Variants in SCHIP1 observed in about 807,000 individuals in gnomAD.
SCHIP1 encodes schwannomin interacting protein 1, also known as schwannomin-interacting protein 1.
A neutral mutation model predicts 29.7 loss-of-function variants in SCHIP1; 8 were observed. That is an observed-to-expected ratio of 0.27 (90% confidence interval 0.16 to 0.49). The LOEUF is 0.49. Among genes scored for constraint, SCHIP1 ranks in the 20% least tolerant of loss-of-function variants. The pLI is 0.99. For missense variants in SCHIP1, 193 were observed against 294.6 expected (o/e 0.66, Z 2.52); for synonymous variants, 76 against 94.9 (o/e 0.80, Z 1.16).
chr3:159,414,113 T>A, the SCHIP1 span, among the ~76,000 whole-genome samples: 1 of 152,194 alleles, frequency 6.6e-6, no homozygotes, highest in Non-Finnish European at 1.5e-5. Flanking sequence ...GAAAGTGAAA[T>A]TGTATTTTCC....
chr3:159,896,899 A>C, exon 7 of SCHIP1: 1 of 995,602 alleles, frequency 1.0e-6, no homozygotes, highest in Non-Finnish European at 1.4e-6. Flanking sequence ...TCTGAAGCTT[A>C]ATGTCCAGTG....
At chr3:159,717,165 G>T in the SCHIP1 span, among the ~76,000 whole-genome samples, 1 of 152,144 alleles carries the variant, frequency 6.6e-6, no homozygotes, top group Non-Finnish European at 1.5e-5. Flanking sequence ...CAGAAATAAA[G>T]ATGTTCTTTG....
chr3:159,312,026 C>T, the SCHIP1 span, among the ~76,000 whole-genome samples: 3 of 152,106 alleles, frequency 2.0e-5, no homozygotes, highest in Non-Finnish European at 4.4e-5. Flanking sequence ...GACAACACAA[C>T]ATAAAAGGGC....
At chr3:159,655,407 A>G in the SCHIP1 span, among the ~76,000 whole-genome samples, 2 of 152,060 alleles carry the variant, frequency 1.3e-5, no homozygotes, top group African/African-American at 4.8e-5. Context: ...GATGGTGATG[A>G]TGATGATGAT....
the SCHIP1 span, among the ~76,000 whole-genome samples, chr3:159,688,415 G>A: frequency 6.6e-6 from 1 of 152,136 alleles, no homozygotes; most frequent in Admixed American, 6.5e-5. Flanking sequence ...AGAAGTATCT[G>A]TTCATATCCT....
the SCHIP1 span, among the ~76,000 whole-genome samples, chr3:159,781,561 T>C: frequency 3.9e-5 from 6 of 152,360 alleles, no homozygotes; most frequent in Admixed American, 3.9e-4. Flanking sequence ...ATTTTCTTAA[T>C]ATATGCCATT....
the SCHIP1 span, among the ~76,000 whole-genome samples, chr3:159,469,283 G>C: frequency 6.6e-6 from 1 of 152,254 alleles, no homozygotes; most frequent in African/African-American, 2.4e-5. Flanking sequence ...GTGTTTTTAA[G>C]TAATGATGGA....
At chr3:159,456,903 A>G in the SCHIP1 span, among the ~76,000 whole-genome samples, 5 of 152,312 alleles carry the variant, frequency 3.3e-5, no homozygotes, top group Non-Finnish European at 5.9e-5. Flanking sequence ...GATTTTATAG[A>G]AGCACACAAT....
chr3:159,292,317 G>A, the SCHIP1 span, among the ~76,000 whole-genome samples: 1 of 152,120 alleles, frequency 6.6e-6, no homozygotes, highest in African/African-American at 2.4e-5. Context: ...AGAGCTCATT[G>A]CAACATTCTA....
chr3:159,532,117 A>T, the SCHIP1 span, among the ~76,000 whole-genome samples: 1 of 152,204 alleles, frequency 6.6e-6, no homozygotes, highest in Non-Finnish European at 1.5e-5. Context: ...CATATCTCAT[A>T]TGATTGTCTT....
chr3:159,495,503 C>T, the SCHIP1 span, among the ~76,000 whole-genome samples: 2 of 152,178 alleles, frequency 1.3e-5, no homozygotes, highest in African/African-American at 4.8e-5. Context: ...AACTCCCATT[C>T]ACAATTGCTT....
At chr3:159,552,321 T>C in the SCHIP1 span, among the ~76,000 whole-genome samples, 2 of 152,188 alleles carry the variant, frequency 1.3e-5, no homozygotes, top group Admixed American at 6.5e-5. Flanking sequence ...GCTGGGATTA[T>C]AGACATGAGC....
chr3:159,873,250 C>G (rs1715460532), intron 2 of SCHIP1, among the ~76,000 whole-genome samples: 1 of 152,142 alleles, frequency 6.6e-6, no homozygotes, highest in South Asian at 2.1e-4. Context: ...TTCCTAAATG[C>G]TAAGCTTACT....
the SCHIP1 span, among the ~76,000 whole-genome samples, chr3:159,430,634 A>G: frequency 6.6e-6 from 1 of 152,052 alleles, no homozygotes; most frequent in Non-Finnish European, 1.5e-5. Context: ...TTAATATTTG[A>G]TTTTTTTCTA....
At chr3:159,740,771 G>GAAAAA in the SCHIP1 span, among the ~76,000 whole-genome samples, 1,295 of 104,888 alleles carry the variant, frequency 0.012, 87 homozygotes, top group African/African-American at 0.035. Flanking sequence ...CAAAAAAAAA[G>GAAAAA]AAAAAAAAAA....
the SCHIP1 span, among the ~76,000 whole-genome samples, chr3:159,328,627 G>A: frequency 3.9e-5 from 6 of 152,136 alleles, no homozygotes; most frequent in Admixed American, 6.5e-5. Flanking sequence ...AGTGTGGAGC[G>A]TTGGGAGAAA....
chr3:159,873,887 C>T (rs79485644), intron 2 of SCHIP1, among the ~76,000 whole-genome samples: 92 of 152,230 alleles, frequency 6.0e-4, no homozygotes, highest in African/African-American at 2.1e-3. Context: ...TCTATTATTA[C>T]TAGTATGATA....
the SCHIP1 span, among the ~76,000 whole-genome samples, chr3:159,300,865 T>A: frequency 2.6e-5 from 4 of 152,156 alleles, no homozygotes; most frequent in African/African-American, 7.2e-5. Flanking sequence ...AAAAACCAAA[T>A]CACCTCCTCC....
At chr3:159,605,940 C>G in the SCHIP1 span, among the ~76,000 whole-genome samples, 1 of 152,114 alleles carries the variant, frequency 6.6e-6, no homozygotes, top group Non-Finnish European at 1.5e-5. Context: ...GTGAGAAACT[C>G]AGATACAGGA....
Sources: allele counts gnomAD v4.1 joint callset (sites outside exome capture counted in the v4.1 genomes callset), GRCh38; gene constraint gnomAD v4.1.1; transcripts MANE v1.5; gene names NCBI Gene and HGNC (gene_info 2026-07-23, HGNC 2026-07-21).